ZNF84: variants seen among roughly 807,000 people sequenced by gnomAD.
ZNF84 encodes zinc finger protein 84.
A neutral mutation model predicts 14.8 loss-of-function variants in ZNF84; 12 were observed. The observed-to-expected ratio is 0.81, with a 90% confidence interval of 0.52 to 1.31. ZNF84 has a LOEUF of 1.31. Among genes scored for constraint, ZNF84 ranks in the 50% most tolerant of loss-of-function variants. The probability of loss-of-function intolerance (pLI) is 0.00; values close to 1 mark genes in which losing one functional copy is unlikely to be tolerated. For missense variants in ZNF84, 859 were observed against 878.6 expected (o/e 0.98, Z 0.28); for synonymous variants, 347 against 291.1 (o/e 1.19, Z -1.96).
intron 2 of ZNF84, 155 bp from the exon 3 acceptor site, chr12:133,047,796 TGCAC>T: frequency 1.4e-6 from 1 of 712,592 alleles, no homozygotes; most frequent in South Asian, 2.0e-5. Flanking sequence ...GATGGAAGAA[TGCAC>T]AATGACATTT....
chr12:133,039,990 C>T (rs1953858401), intron 1 of ZNF84, among the ~76,000 whole-genome samples: 1 of 152,030 alleles, frequency 6.6e-6, no homozygotes, highest in Admixed American at 6.5e-5. Flanking sequence ...CTTACAGGTG[C>T]ATGCCACCAC....
intron 2 of ZNF84, among the ~76,000 whole-genome samples, chr12:133,042,145 G>C (rs1400852936): frequency 3.9e-5 from 6 of 152,298 alleles, no homozygotes; most frequent in African/African-American, 1.4e-4. Context: ...TGAGGTGTCA[G>C]ATCAGCTCAT....
At chr12:133,052,718 G>A (rs1954093148) in intron 4 of ZNF84, among the ~76,000 whole-genome samples, 2 of 152,134 alleles carry the variant, frequency 1.3e-5, no homozygotes, top group Non-Finnish European at 2.9e-5. Flanking sequence ...TTCCTTAGAG[G>A]TCCTATCTCC....
chr12:133,048,215 A>G, intron 3 of ZNF84, 134 bp downstream of exon 3: 7 of 796,046 alleles, frequency 8.8e-6, no homozygotes, highest in Non-Finnish European at 1.2e-5. Flanking sequence ...AACTTAGATC[A>G]CAGTTGCTTG....
intron 1 of ZNF84, chr12:133,040,883 A>T (rs1953874756): frequency 6.6e-6 from 1 of 152,256 alleles, no homozygotes; most frequent in East Asian, 1.9e-4. Flanking sequence ...ATAGGAAATT[A>T]GGCTCAGAAT....
At chr12:133,041,104 C>A (rs1447944564) in intron 1 of ZNF84, 174 bp from the exon 2 acceptor site, 2 of 281,768 alleles carry the variant, frequency 7.1e-6, no homozygotes, top group Non-Finnish European at 1.3e-5. Flanking sequence ...TTGCAGAGAC[C>A]TAGGCTTCCA....
chr12:133,057,549 C>T lies in ZNF84; in HGVS notation c.834C>T (p.Leu278=). The T allele has an allele frequency of 1.9e-6, 3 of 1,614,118 alleles. No individual in the cohort carries two copies. Among genetic ancestry groups the T allele is most frequent in the Non-Finnish European group, 2.5e-6 (3 of 1,180,030 alleles). Residue 278 remains leucine, a synonymous_variant, in exon 5 of 5, where the codon CTC becomes CTT. Transcript: ENST00000539354. ...CGKAFSQKSQ[L]TSHQRTHTGE... ...AAGCCTTCTCCCAAAAGTCACAGCT[C>T]ACATCCCATCAGCGGACACATACAG...
intron 4 of ZNF84, among the ~76,000 whole-genome samples, chr12:133,054,752 T>A (rs1201529178): frequency 3.3e-5 from 5 of 152,264 alleles, no homozygotes; most frequent in East Asian, 1.9e-4. Context: ...CAATTTTTTT[T>A]AAATTTAATT....
intron 2 of ZNF84, among the ~76,000 whole-genome samples, chr12:133,043,042 TCTG>T (rs56393919): frequency 0.11 from 17,268 of 152,262 alleles, 1,289 homozygotes; most frequent in Non-Finnish European, 0.16. Context: ...TTTGATTTTG[TCTG>T]CTGTAGTGTG....
chr12:133,057,809 A>G lies in ZNF84; in HGVS notation c.1094A>G (p.His365Arg). The G allele has an allele frequency of 1.2e-6, 2 of 1,614,218 alleles. No individual in the cohort carries two copies. The highest frequency in any genetic ancestry group is 1.7e-6 in the Non-Finnish European group (2 of 1,180,032). ...AGCAGGAAGTCACAACTCGTTACAC[A>G]TCACAGAACTCACACAGGAACAAAA... ...AFSRKSQLVTHHRTHTGTKPF... is the reference protein window; with the variant it reads ...AFSRKSQLVTRHRTHTGTKPF... Residue 365 changes from histidine to arginine, a missense_variant, in exon 5 of 5, where the codon CAT becomes CGT. By Grantham distance (29) the His-to-Arg change is conservative. Coordinates refer to ENST00000539354, the MANE Select transcript of ZNF84 (RefSeq NM_001289971.2).
intron 2 of ZNF84, among the ~76,000 whole-genome samples, chr12:133,041,733 G>A (rs954525818): frequency 6.6e-6 from 1 of 152,098 alleles, no homozygotes; most frequent in African/African-American, 2.4e-5. Context: ...TGCAAACTTT[G>A]TTTTCAAATT....
intron 4 of ZNF84, chr12:133,050,577 C>T: frequency 2.5e-6 from 1 of 398,618 alleles, no homozygotes; most frequent in Non-Finnish European, 4.4e-6. Context: ...CTTCCTATCT[C>T]CCATTCATGG....
chr12:133,042,358 G>A (rs1953902050), intron 2 of ZNF84, among the ~76,000 whole-genome samples: 1 of 152,152 alleles, frequency 6.6e-6, no homozygotes, highest in African/African-American at 2.4e-5. Context: ...TTGTGAAGAA[G>A]GAAAAATAAA....
Position 133,041,474 on chromosome 12 carries a change from A to G in ZNF84, c.7A>G (p.Met3Val), listed in dbSNP as rs1251850818. 3.1e-6 allele frequency: 5 copies of G among 1,614,036 alleles called. No homozygotes were observed. Among genetic ancestry groups the G allele is most frequent in the East Asian group, 2.2e-5 (1 of 44,900 alleles). Residue 3 changes from methionine (M) to valine (V), a missense_variant, in exon 2 of 5, where the codon ATG becomes GTG. Coordinates refer to ENST00000539354, the MANE Select transcript of ZNF84 (RefSeq NM_001289971.2). MTMLQESFSFDDL... is the reference protein window; with the variant it reads MTVLQESFSFDDL... ...TCTCGTACAGCAGCAGAAAATGACCATGTTACAGGTGAGTTGATTGTTGAG... is the reference window on the plus strand; with the variant it reads ...TCTCGTACAGCAGCAGAAAATGACCGTGTTACAGGTGAGTTGATTGTTGAG...
rs1424255344 is a variant in ZNF84, at chr12:133,058,725, T to C, written c.2010T>C (p.Leu670=). 2 of 1,612,678 alleles carry C rather than the reference T, an allele frequency of 1.2e-6. No individual in the cohort carries two copies. Among genetic ancestry groups the C allele is most frequent in the East Asian group, 2.2e-5 (1 of 44,718 alleles). Residue 670 remains leucine (L), a synonymous_variant, in exon 5 of 5, where the codon CTT becomes CTC. Coordinates refer to ENST00000539354, the MANE Select transcript of ZNF84 (RefSeq NM_001289971.2). ...CGKAFSRKSH[L]IPHQRTHTGE... is the part of the protein sequence containing the mutation. Reference sequence around the variant, plus strand: ...AAGCTTTCTCTCGGAAGTCACACCTTATACCACATCAAAGGACACATACGG... The same window carrying C: ...AAGCTTTCTCTCGGAAGTCACACCTCATACCACATCAAAGGACACATACGG...
chr12:133,054,584 G>A (rs1293139730), intron 4 of ZNF84, among the ~76,000 whole-genome samples: 1 of 148,668 alleles, frequency 6.7e-6, no homozygotes, highest in Non-Finnish European at 1.5e-5. Flanking sequence ...GATGAAAGAT[G>A]ATATGGTTTT....
intron 4 of ZNF84, among the ~76,000 whole-genome samples, chr12:133,049,997 T>C (rs897697833): frequency 1.6e-4 from 25 of 152,194 alleles, no homozygotes; most frequent in Non-Finnish European, 3.4e-4. Flanking sequence ...CATCCCACAC[T>C]ACTCTGATCA....
intron 4 of ZNF84, among the ~76,000 whole-genome samples, chr12:133,052,643 A>G (rs1954091782): frequency 6.6e-6 from 1 of 152,174 alleles, no homozygotes; most frequent in Non-Finnish European, 1.5e-5. Flanking sequence ...CCTCATATCT[A>G]TTTTTGTAAA....
chr12:133,053,828 A>G (rs1243728697), intron 4 of ZNF84, among the ~76,000 whole-genome samples: 2 of 152,172 alleles, frequency 1.3e-5, no homozygotes, highest in South Asian at 2.1e-4. Flanking sequence ...CATAAACACC[A>G]TAATCTACCA....
Sources: allele counts gnomAD v4.1 joint callset (sites outside exome capture counted in the v4.1 genomes callset), GRCh38; gene constraint gnomAD v4.1.1; transcripts MANE v1.5; gene names NCBI Gene and HGNC (gene_info 2026-07-23, HGNC 2026-07-21).